Variants in NIFK observed in about 807,000 individuals in gnomAD.
NIFK encodes the protein MKI67 FHA domain-interacting nucleolar phosphoprotein.
In NIFK, 16 loss-of-function variants were observed where a neutral mutation model predicts 31.7. The ratio of observed to expected loss-of-function variants is 0.50; its 90% CI spans 0.34 to 0.77. NIFK has a LOEUF of 0.77. Among genes scored for constraint, NIFK ranks in the 30% least tolerant of loss-of-function variants. NIFK has a pLI of 0.01. For missense variants in NIFK, 341 were observed against 350.4 expected (o/e 0.97, Z 0.21); for synonymous variants, 126 against 123.0 (o/e 1.02, Z -0.16).
chr2:121,729,860 A>G (rs571909984), intron 4 of NIFK, among the ~76,000 whole-genome samples: 2 of 152,370 alleles, frequency 1.3e-5, no homozygotes, highest in African/African-American at 4.8e-5. Flanking sequence ...TCTGTATAAT[A>G]GAAATAACAG....
intron 1 of NIFK, among the ~76,000 whole-genome samples, chr2:121,736,298 A>G (rs2074579679): frequency 6.6e-6 from 1 of 152,250 alleles, no homozygotes; most frequent in Non-Finnish European, 1.5e-5. Context: ...CTCTATTTTA[A>G]TAACTCCCAG....
intron 2 of NIFK, among the ~76,000 whole-genome samples, chr2:121,734,725 C>T (rs752520737): frequency 3.9e-5 from 6 of 152,142 alleles, no homozygotes; most frequent in African/African-American, 1.4e-4. Context: ...ACCCGGGAAG[C>T]GGAGGTTGCA....
At chr2:121,728,601 C>T (rs893996206) in intron 4 of NIFK, 65 bp from the exon 5 acceptor site, 1 of 878,746 alleles carries the variant, frequency 1.1e-6, no homozygotes, top group Non-Finnish European at 1.8e-6. Flanking sequence ...ATTAGATCCT[C>T]ATATATATTA....
At chr2:121,734,625 T>C (rs1392384152) in intron 2 of NIFK, among the ~76,000 whole-genome samples, 2 of 152,062 alleles carry the variant, frequency 1.3e-5, no homozygotes, top group Non-Finnish European at 2.9e-5. Flanking sequence ...ACCCCGTCTC[T>C]AGTAAAACAC....
At chr2:121,734,627 G>A (rs1482344382) in intron 2 of NIFK, among the ~76,000 whole-genome samples, 2 of 151,942 alleles carry the variant, frequency 1.3e-5, no homozygotes, top group Non-Finnish European at 2.9e-5. Flanking sequence ...CCCGTCTCTA[G>A]TAAAACACAC....
rs370628483 is a variant in NIFK, at chr2:121,730,883, G to A, written c.564+10C>T. The A allele has an allele frequency of 2.7e-4, 422 of 1,584,668 alleles. No individual in the cohort carries two copies. Among genetic ancestry groups the A allele is most frequent in the Non-Finnish European group, 3.4e-4 (393 of 1,153,490 alleles). On this transcript the variant is annotated intron_variant, in intron 4 of 6. Transcript: ENST00000285814. The stretch of plus-strand genomic sequence containing the variant: ...CAACAAACCACAAAAAAGATTTCAC[G>A]AATATTTACCAAAGAAGGAAAATCA...
intron 3 of NIFK, among the ~76,000 whole-genome samples, chr2:121,731,494 G>A (rs961159088): frequency 6.6e-6 from 1 of 152,216 alleles, no homozygotes; most frequent in African/African-American, 2.4e-5. Context: ...CTTCTCTCGT[G>A]TGGAAGAGCT....
rs11556736 is a variant in NIFK, at chr2:121,736,811, G to C, written c.40C>G (p.Leu14Val). 1 of 1,614,202 alleles carries C rather than the reference G, an allele frequency of 6.2e-7. No individual in the cohort carries two copies. Among genetic ancestry groups the C allele is most frequent in the South Asian group, 1.1e-5 (1 of 91,086 alleles). ...AACTCGACATCTTCCTGCGGATTAA[G>C]CGACAGGATTGGCCCAGCCGGGCCA... ...FSGPAGPILS[L>V]NPQEDVEFQK... Residue 14 changes from leucine (L) to valine (V), a missense_variant, in exon 1 of 7, where the codon CTT becomes GTT. Coordinates refer to ENST00000285814, the MANE Select transcript of NIFK (RefSeq NM_032390.5).
chr2:121,736,645 G>A (rs1356671040), intron 1 of NIFK, 101 bp downstream of exon 1: 2 of 993,438 alleles, frequency 2.0e-6, no homozygotes, highest in Non-Finnish European at 3.2e-6. Context: ...AGGCGAGCAC[G>A]AAGGCAAGGG....
At chr2:121,732,699 GA>G (rs1245240748) in intron 2 of NIFK, among the ~76,000 whole-genome samples, 1 of 152,100 alleles carries the variant, frequency 6.6e-6, no homozygotes, top group African/African-American at 2.4e-5. Flanking sequence ...AAAGAGAGGG[GA>G]AGGCCAGGCG....
chr2:121,734,564 G>C (rs370925047), intron 2 of NIFK, among the ~76,000 whole-genome samples: 2 of 152,018 alleles, frequency 1.3e-5, no homozygotes, highest in African/African-American at 4.8e-5. Flanking sequence ...AGGCCGAGGC[G>C]GGAGGATCAC....
At chr2:121,734,608 T>C (rs1255939543) in intron 2 of NIFK, among the ~76,000 whole-genome samples, 3 of 151,980 alleles carry the variant, frequency 2.0e-5, no homozygotes, top group South Asian at 4.2e-4. Context: ...CTGGCCAACA[T>C]AGTGAAACCC....
At chr2:121,734,472 T>C (rs756690619) in intron 2 of NIFK, among the ~76,000 whole-genome samples, 15 of 152,254 alleles carry the variant, frequency 9.9e-5, no homozygotes, top group South Asian at 8.3e-4. Context: ...CATATATATA[T>C]AGTAAAAACT....
rs75743265 is a variant in NIFK at position 121,728,385 on chromosome 2, T to C, written c.625-29A>G. ...AAAATAAATTTTAAAACACATCAAT[T>C]TGAATATTGATCAGCTACAGTAGTC... is the stretch of plus-strand genomic sequence containing the variant. On this transcript the variant is annotated intron_variant, in intron 5 of 6. Coordinates refer to ENST00000285814, the MANE Select transcript of NIFK (RefSeq NM_032390.5). The C allele has an allele frequency of 2.4e-3, 3,659 of 1,493,722 alleles. 72 individuals carry two copies. The African/African-American group carries it at 0.041, about 17-fold the overall frequency. The allele number at this position is 1,493,722 out of a possible 1,614,324, so 92.5% of individuals were successfully genotyped here.
chr2:121,735,519 A>G, intron 2 of NIFK, 94 bp downstream of exon 2: 1 of 1,317,146 alleles, frequency 7.6e-7, no homozygotes, highest in South Asian at 1.2e-5. Flanking sequence ...ATGAAATCTG[A>G]TAAGCAATAA....
Position 121,736,767 on chromosome 2 carries a change from C to G in NIFK, c.84G>C (p.Gln28His). 6.2e-7 allele frequency: 1 copy of G among 1,614,130 alleles called. No individual in the cohort carries two copies. The highest frequency in any genetic ancestry group is 8.5e-7 in the Non-Finnish European group (1 of 1,179,948). ...EDVEFQKEVA[Q>H]VRKRITQRKK... ...TCACCTGGGTTATGCGCTTGCGAAC[C>G]TGCGCCACCTCCTTTTGAAACTCGA... The change falls in exon 1 of 7, where the codon CAG becomes CAC. Residue 28 changes from glutamine (Q) to histidine (H), a missense_variant. Gln to His is a conservative substitution (Grantham distance 24). Coordinates refer to ENST00000285814, the MANE Select transcript of NIFK (RefSeq NM_032390.5).
intron 2 of NIFK, among the ~76,000 whole-genome samples, chr2:121,732,481 A>C (rs929965091): frequency 2.0e-5 from 3 of 152,188 alleles, no homozygotes; most frequent in African/African-American, 7.2e-5. Context: ...TTATTCAGTA[A>C]CAACACTCCG....
rs770308220 is a variant in NIFK at position 121,731,143 on chromosome 2, G to A, written c.353-39C>T. 4.1e-6 allele frequency: 5 copies of A among 1,227,724 alleles called. No homozygotes were observed. The East Asian group carries it at 1.2e-4, about 29-fold the overall frequency. 76.1% of individuals were successfully genotyped at this position (1,227,724 alleles called of 1,614,324 possible). A position where few individuals can be genotyped will look rare whatever the true frequency, so the allele number is the denominator to read the frequency against. ...GAAAAAAACATAAAGGTATTTTAAT[G>A]TTAACTTTAGAATCTCCGCAGTGCC... is the stretch of plus-strand genomic sequence containing the variant. On this transcript the variant is annotated intron_variant, in intron 3 of 6. Coordinates refer to ENST00000285814, the MANE Select transcript of NIFK (RefSeq NM_032390.5).
At position 121,735,486 on chromosome 2, in the gene NIFK, C is replaced by T. The variant is rs111289689; in HGVS notation, c.243+127G>A. 4.5e-5 allele frequency: 46 copies of T among 1,024,916 alleles called. 1 individual carries two copies. In the African/African-American group the frequency reaches 5.2e-4, roughly 12 times the overall value. The allele number at this position is 1,024,916 out of a possible 1,614,324, so 63.5% of individuals were successfully genotyped here. On this transcript the variant is annotated intron_variant, in intron 2 of 6. Coordinates refer to ENST00000285814, the MANE Select transcript of NIFK (RefSeq NM_032390.5). ...TCCTGTAGCTGTTTCAGATTCTAAA[C>T]CTCCTCCACTCTCCTTTTTGGAATG...
Sources: gnomAD v4.1 joint callset for allele counts (sites outside exome capture counted in the v4.1 genomes callset) on GRCh38, gnomAD v4.1.1 for gene constraint, MANE v1.5 for transcripts, NCBI Gene and HGNC (gene_info 2026-07-23, HGNC 2026-07-21) for gene names.